Variants in DOP1A observed in about 807,000 individuals in gnomAD.
DOP1A encodes the protein protein DOP1A.
In DOP1A, 90 loss-of-function variants were observed where a neutral mutation model predicts 267.6. The ratio of observed to expected loss-of-function variants is 0.34; its 90% CI spans 0.28 to 0.40. The LOEUF (loss-of-function observed/expected upper bound fraction) is 0.40. Among genes scored for constraint, DOP1A ranks in the 10% least tolerant of loss-of-function variants. DOP1A has a pLI of 1.00. For synonymous variants in DOP1A, 932 were observed against 999.1 expected, an observed-to-expected ratio of 0.93 and a Z score of 1.27; for missense variants, 2,437 against 2,900.4, an observed-to-expected ratio of 0.84 and a Z score of 3.67.
chr6:83,137,032 A>G, intron 20 of DOP1A, 141 bp from the exon 21 acceptor site: 1 of 859,988 alleles, frequency 1.2e-6, no homozygotes, highest in Non-Finnish European at 1.6e-6. Context: ...CACCTGCAAT[A>G]AAATAAAATG....
chr6:83,143,287 A>G (rs1008416129), intron 24 of DOP1A, among the ~76,000 whole-genome samples: 1 of 152,208 alleles, frequency 6.6e-6, no homozygotes, highest in African/African-American at 2.4e-5. Flanking sequence ...CTGTAGACCT[A>G]TCTACTCAGG....
intron 35 of DOP1A, among the ~76,000 whole-genome samples, chr6:83,157,999 C>CT (rs368395258): frequency 6.8e-4 from 101 of 148,176 alleles, no homozygotes; most frequent in Middle Eastern, 3.5e-3. Context: ...TTTATTTTTC[C>CT]TTTTTTTTTT....
chr6:83,115,648 C>T (rs965798361), intron 7 of DOP1A, among the ~76,000 whole-genome samples: 4 of 152,094 alleles, frequency 2.6e-5, no homozygotes, highest in Non-Finnish European at 4.4e-5. Flanking sequence ...GGCGTGAACC[C>T]GGGAGGGGGA....
chr6:83,160,699 T>G (rs1228363273), intron 37 of DOP1A, among the ~76,000 whole-genome samples: 2 of 152,186 alleles, frequency 1.3e-5, no homozygotes, highest in African/African-American at 2.4e-5. Context: ...GGGCAAGCTA[T>G]GTAAGATTGT....
chr6:83,120,583 G>A (rs930972713), intron 9 of DOP1A, 100 bp from the exon 10 acceptor site: 1 of 937,766 alleles, frequency 1.1e-6, no homozygotes, highest in Non-Finnish European at 1.5e-6. Flanking sequence ...GTGGGTATAA[G>A]TCTCCGTTAT....
rs368270942 is a variant in DOP1A, at chr6:83,096,841, G to T, written c.-54+18G>T. On this transcript the variant is annotated intron_variant, in intron 2 of 38. Transcript: ENST00000349129. ...TGCTAACAGTAAGGAACATTTTCAA[G>T]TTAGTCATTACCTTTGTAGTAAGAT... is the stretch of plus-strand genomic sequence containing the variant. 2.1e-6 allele frequency: 2 copies of T among 975,142 alleles called. No homozygotes were observed. Among genetic ancestry groups the T allele is most frequent in the African/African-American group, 3.3e-5 (2 of 61,324 alleles). The allele number at this position is 975,142 out of a possible 1,614,324, so 60.4% of individuals were successfully genotyped here. A position where few individuals can be genotyped will look rare whatever the true frequency, so the allele number is the denominator to read the frequency against.
chr6:83,154,362 G>A, intron 33 of DOP1A, 121 bp downstream of exon 33: 1 of 859,022 alleles, frequency 1.2e-6, no homozygotes, highest in East Asian at 2.5e-5. Flanking sequence ...AAGTGTCAGT[G>A]GGGATATGTG....
intron 3 of DOP1A, among the ~76,000 whole-genome samples, chr6:83,098,082 G>A (rs948018308): frequency 6.6e-6 from 1 of 151,712 alleles, no homozygotes. Context: ...ATAGGATCTC[G>A]CTATGTTGAC....
chr6:83,108,762 G>C, intron 4 of DOP1A, 148 bp from the exon 5 acceptor site: 1 of 672,682 alleles, frequency 1.5e-6, no homozygotes, highest in Non-Finnish European at 2.4e-6. Flanking sequence ...TGGTTTAATG[G>C]ATGTAGTCAT....
intron 4 of DOP1A, among the ~76,000 whole-genome samples, chr6:83,106,884 G>T (rs138161883): frequency 1.3e-5 from 2 of 152,058 alleles, no homozygotes; most frequent in African/African-American, 4.8e-5. Flanking sequence ...AAAGGGAAGA[G>T]CGCTTCAAGA....
Position 83,124,729 on chromosome 6 carries a change from G to T in DOP1A, c.1365G>T (p.Gln455His), listed in dbSNP as rs763170333. 2.5e-6 allele frequency: 4 copies of T among 1,612,974 alleles called. No homozygotes were observed. The highest frequency in any genetic ancestry group is 2.2e-5 in the East Asian group (1 of 44,840). Reference sequence around the variant, plus strand: ...GGAGGACACTGCATGTGAGACTTCAGATTGGACCTGGAGATAGTAATGACT... The same window carrying T: ...GGAGGACACTGCATGTGAGACTTCATATTGGACCTGGAGATAGTAATGACT... ...CCRRTLHVRL[Q>H]IGPGDSNDSS... The change falls in exon 13 of 39, where the codon CAG becomes CAT. Residue 455 changes from glutamine (Q) to histidine (H), a missense_variant. Transcript: ENST00000349129.
chr6:83,167,937 G>A lies in DOP1A; in HGVS notation c.7168G>A (p.Val2390Met), dbSNP rs758546439. The change falls in exon 39 of 39, where the codon GTG becomes ATG. Residue 2390 changes from valine to methionine, a missense_variant. Around this residue, in one of 9 missense-constraint regions of DOP1A, gnomAD observed 197 missense variants for 246.5 expected, o/e 0.80. Coordinates refer to ENST00000349129, the MANE Select transcript of DOP1A (RefSeq NM_015018.4). ...PGHLLLTICT[V>M]RSMEQLLPFF... is the part of the protein sequence containing the mutation. ...GCACTTGCTGCTCACCATCTGCACC[G>A]TGCGCAGTATGGAGCAGCTCCTGCC... is the stretch of plus-strand genomic sequence containing the variant. The A allele has an allele frequency of 1.5e-5, 25 of 1,614,114 alleles. No homozygotes were observed. The highest frequency in any genetic ancestry group is 9.9e-5 in the South Asian group (9 of 91,078).
At chr6:83,151,692 T>A (rs771349966) in intron 28 of DOP1A, 33 bp downstream of exon 28, 1 of 1,567,570 alleles carries the variant, frequency 6.4e-7, no homozygotes. Context: ...GCCAAAACTG[T>A]TTCTCAGTGC....
rs184026172 is a variant in DOP1A, at chr6:83,092,649, T to G, written c.-146-4082T>G. Among the ~76,000 whole-genome samples the G allele has an allele frequency of 2.1e-4, 28 of 132,266 alleles. No individual in the cohort carries two copies. In the East Asian group the frequency reaches 2.6e-3, roughly 12 times the overall value. The allele number at this position is 132,266 out of a possible 152,430, so 86.8% of individuals were successfully genotyped here. On this transcript the variant is annotated intron_variant, in intron 1 of 38. Coordinates refer to ENST00000349129, the MANE Select transcript of DOP1A (RefSeq NM_015018.4). ...AGATAGTACCAAACTCTAAATTCTG[T>G]TTTTTTTTCTATACATATATACCAG...
Position 83,122,933 on chromosome 6 carries a change from C to A in DOP1A, c.1291C>A (p.Pro431Thr). The part of the protein sequence containing the change: ...TANLLFNSFE[P>T]YYMWDYVARW... ...TAACCTTCTCTTTAATTCCTTCGAA[C>A]CTTATTATATGTGGGATTATGTTGC... Residue 431 changes from proline to threonine, a missense_variant, in exon 12 of 39, where the codon CCT becomes ACT. Pro to Thr is a conservative substitution (Grantham distance 38). This residue lies in a region of DOP1A where 498 missense variants were observed against 513.5 expected (regional missense o/e 0.97). Transcript: ENST00000349129. 6.3e-7 allele frequency: 1 copy of A among 1,576,338 alleles called. No individual in the cohort carries two copies. Among genetic ancestry groups the A allele is most frequent in the Non-Finnish European group, 8.6e-7 (1 of 1,166,028 alleles).
chr6:83,072,589 A>C lies in DOP1A; in HGVS notation c.-147+4810A>C, dbSNP rs1439233095. 4.6e-5 allele frequency among the ~76,000 whole-genome samples: 7 copies of C among 152,352 alleles called. No homozygotes were observed. The East Asian group carries it at 1.3e-3, about 29-fold the overall frequency. Reference sequence around the variant, plus strand: ...TAAAATAAGGGAGCAGTACAGAAGCAATATAGGTAAATTGTCATCATTTAG... The same window carrying C: ...TAAAATAAGGGAGCAGTACAGAAGCCATATAGGTAAATTGTCATCATTTAG... On this transcript the variant is annotated intron_variant, in intron 1 of 38. Coordinates refer to ENST00000349129, the MANE Select transcript of DOP1A (RefSeq NM_015018.4).
At chr6:83,139,192 C>A in intron 21 of DOP1A, 30 bp downstream of exon 21, 1 of 1,533,620 alleles carries the variant, frequency 6.5e-7, no homozygotes, top group Non-Finnish European at 8.9e-7. Flanking sequence ...TTTATTGGTA[C>A]TGACATTTTT....
At chr6:83,116,282 T>C (rs1026455193) in intron 7 of DOP1A, among the ~76,000 whole-genome samples, 4 of 152,232 alleles carry the variant, frequency 2.6e-5, no homozygotes, top group African/African-American at 9.6e-5. Context: ...CTGGTCTATC[T>C]TGTACTTTCA....
chr6:83,086,448 T>G (rs1457735627), intron 1 of DOP1A, among the ~76,000 whole-genome samples: 2 of 152,064 alleles, frequency 1.3e-5, no homozygotes, highest in Non-Finnish European at 2.9e-5. Context: ...CTTGCTGTCT[T>G]GGGTAGGTAG....
Sources: allele counts gnomAD v4.1 joint callset (sites outside exome capture counted in the v4.1 genomes callset), GRCh38; gene constraint gnomAD v4.1.1; regional missense constraint gnomAD v4.1.1; transcripts MANE v1.5; gene names NCBI Gene and HGNC (gene_info 2026-07-23, HGNC 2026-07-21).